The following KCNMA1 variants were observed in gnomAD, a reference collection of about 807,000 sequenced individuals.
The protein encoded by KCNMA1 is Calcium-activated potassium channel subunit alpha-1.
Under a neutral mutation model 140.0 loss-of-function variants are expected in KCNMA1, and 29 were observed. The observed-to-expected ratio is 0.21, with a 90% CI of 0.15 to 0.28. The LOEUF (loss-of-function observed/expected upper bound fraction) is 0.28, where lower values mean the gene tolerates loss of function less well. Ranked by LOEUF, KCNMA1 falls within the 10% of genes least tolerant of loss-of-function variation. The pLI is 1.00. For missense variants in KCNMA1, 880 were observed against 1,602.2 expected, an observed-to-expected ratio of 0.55 and a Z score of 7.70; for synonymous variants, 612 against 611.9, an observed-to-expected ratio of 1.00 and a Z score of 0.00.
intron 5 of KCNMA1, among the ~76,000 whole-genome samples, chr10:77,158,802 T>G (rs1597470145): frequency 6.6e-6 from 1 of 152,094 alleles, no homozygotes; most frequent in African/African-American, 2.4e-5. Context: ...GAGTTCAAGG[T>G]GATAGCTCTC....
At chr10:77,270,780 C>T (rs1318998266) in intron 2 of KCNMA1, among the ~76,000 whole-genome samples, 2 of 151,882 alleles carry the variant, frequency 1.3e-5, no homozygotes, top group East Asian at 1.9e-4. Context: ...GTTGAGGCAC[C>T]GTGCCTGGCC....
chr10:77,159,914 C>T (rs1046514831), intron 5 of KCNMA1, among the ~76,000 whole-genome samples: 6 of 152,202 alleles, frequency 3.9e-5, no homozygotes, highest in African/African-American at 1.4e-4. Context: ...ATTCACAAAA[C>T]ATTCATTGAG....
intron 18 of KCNMA1, among the ~76,000 whole-genome samples, chr10:77,008,787 T>C (rs2089932633): frequency 6.6e-6 from 1 of 152,162 alleles, no homozygotes. Flanking sequence ...GACAGATGAG[T>C]ATGTGGGTCA....
intron 25 of KCNMA1, chr10:76,903,395 T>A (rs2046400269): frequency 6.6e-6 from 1 of 152,266 alleles, no homozygotes; most frequent in Non-Finnish European, 1.5e-5. Flanking sequence ...CCATTTTTTA[T>A]ATTTGCTAGT....
chr10:76,972,574 A>T (rs2076376891), intron 19 of KCNMA1, among the ~76,000 whole-genome samples: 1 of 152,238 alleles, frequency 6.6e-6, no homozygotes, highest in Non-Finnish European at 1.5e-5. Flanking sequence ...GAGACACCTC[A>T]TTCTGGTAGT....
At chr10:76,877,143 A>C (rs2032537293), downstream of KCNMA1, 2 of 152,738 alleles carry the variant, frequency 1.3e-5, no homozygotes, top group African/African-American at 4.8e-5. Flanking sequence ...TGTGAAAATA[A>C]ATAAGTTTCC....
chr10:77,581,462 C>T lies in KCNMA1; in HGVS notation c.378+55803G>A, dbSNP rs58443478. On this transcript the variant is annotated intron_variant, in intron 1 of 27. Coordinates refer to ENST00000286628, the MANE Select transcript of KCNMA1 (RefSeq NM_001161352.2). ...CTGGGACTACAGGTGCCCGCCACCA[C>T]GCCTGTTTAATTTTTTGTATTTTTA... Among the ~76,000 whole-genome samples the T allele has an allele frequency of 9.0e-3, 1,376 of 152,228 alleles. 22 individuals carry two copies. The highest frequency in any genetic ancestry group is 0.032 in the African/African-American group (1,314 of 41,534).
At chr10:76,941,184 G>A (rs1313907187) in intron 23 of KCNMA1, among the ~76,000 whole-genome samples, 1 of 130,948 alleles carries the variant, frequency 7.6e-6, no homozygotes, top group African/African-American at 3.2e-5. Flanking sequence ...AGGAAGGAAG[G>A]GAGGGAGGGA....
At chr10:77,324,344 G>T (rs1771476261) in intron 2 of KCNMA1, among the ~76,000 whole-genome samples, 1 of 152,112 alleles carries the variant, frequency 6.6e-6, no homozygotes, top group Non-Finnish European at 1.5e-5. Context: ...CTGTCCCATT[G>T]TATCCTAGTG....
intron 14 of KCNMA1, 90 bp downstream of exon 14, chr10:77,073,007 G>T (rs1013361091): frequency 4.7e-6 from 6 of 1,268,700 alleles, no homozygotes; most frequent in Admixed American, 3.4e-5. Context: ...AGAGCCCGTC[G>T]ATCTGTTTTG....
At chr10:76,880,043 T>C (rs1354814501), downstream of KCNMA1, among the ~76,000 whole-genome samples, 1 of 152,108 alleles carries the variant, frequency 6.6e-6, no homozygotes, top group Non-Finnish European at 1.5e-5. Flanking sequence ...TAGTGCTAGG[T>C]TGGACATGCC....
chr10:77,235,905 G>A (rs1476953277), intron 3 of KCNMA1, among the ~76,000 whole-genome samples: 1 of 152,190 alleles, frequency 6.6e-6, no homozygotes, highest in Non-Finnish European at 1.5e-5. Context: ...CTAAGCCCTT[G>A]GAGTGTCATG....
intron 1 of KCNMA1, among the ~76,000 whole-genome samples, chr10:77,419,056 C>G (rs369803166): frequency 1.1e-4 from 17 of 152,208 alleles, no homozygotes; most frequent in African/African-American, 4.1e-4. Context: ...TGCCGCCACA[C>G]TCTCACCTGA....
At chr10:77,367,951 A>G (rs971825291) in intron 2 of KCNMA1, among the ~76,000 whole-genome samples, 1 of 152,158 alleles carries the variant, frequency 6.6e-6, no homozygotes, top group African/African-American at 2.4e-5. Flanking sequence ...CCATTCACCC[A>G]CTGAGATTCT....
intron 19 of KCNMA1, among the ~76,000 whole-genome samples, chr10:76,991,956 G>T (rs1445148212): frequency 6.6e-6 from 1 of 152,182 alleles, no homozygotes; most frequent in Non-Finnish European, 1.5e-5. Flanking sequence ...CAGCTCTAGG[G>T]CTGGAGTCTT....
At chr10:77,460,780 A>G (rs2097851998) in intron 1 of KCNMA1, among the ~76,000 whole-genome samples, 1 of 152,106 alleles carries the variant, frequency 6.6e-6, no homozygotes. Context: ...GAGACTCCAA[A>G]AAGTGGGACG....
chr10:77,168,070 T>C (rs1017953413), intron 5 of KCNMA1, among the ~76,000 whole-genome samples: 3 of 152,168 alleles, frequency 2.0e-5, no homozygotes, highest in African/African-American at 7.2e-5. Context: ...ATTTATCTCA[T>C]TGGTAGGGCT....
intron 2 of KCNMA1, among the ~76,000 whole-genome samples, chr10:77,284,792 G>T (rs569052564): frequency 6.6e-6 from 1 of 151,964 alleles, no homozygotes; most frequent in African/African-American, 2.4e-5. Flanking sequence ...AGGATTACAG[G>T]TGTGAACCAC....
At chr10:76,922,668 G>T (rs970346978) in intron 23 of KCNMA1, among the ~76,000 whole-genome samples, 1 of 152,194 alleles carries the variant, frequency 6.6e-6, no homozygotes, top group African/African-American at 2.4e-5. Context: ...AATGAAAACA[G>T]GGCAAATGAA....
Sources: gnomAD v4.1 joint callset for allele counts (sites outside exome capture counted in the v4.1 genomes callset) on GRCh38, gnomAD v4.1.1 for gene constraint, MANE v1.5 for transcripts, NCBI Gene and HGNC (gene_info 2026-07-23, HGNC 2026-07-21) for gene names.